Variants in ZNF705B observed in about 807,000 individuals in gnomAD.
The protein encoded by ZNF705B is Putative zinc finger protein 705D-like protein LOC100132396.
In ZNF705B, 1 loss-of-function variant was observed where a neutral mutation model predicts 10.5. The ratio of observed to expected loss-of-function variants is 0.10; its 90% CI spans 0.03 to 0.45. ZNF705B has a LOEUF of 0.45. Ranked by LOEUF, ZNF705B falls within the 20% of genes least tolerant of loss-of-function variation. ZNF705B has a pLI of 0.97. For synonymous variants in ZNF705B, 4 were observed against 25.4 expected, an observed-to-expected ratio of 0.16 and a Z score of 2.53; for missense variants, 14 against 84.0, an observed-to-expected ratio of 0.17 and a Z score of 3.26.
intron 1 of ZNF705B, among the ~76,000 whole-genome samples, chr8:7,927,864 C>A (rs1443561310): frequency 7.0e-6 from 1 of 142,662 alleles, no homozygotes; most frequent in Non-Finnish European, 1.6e-5. Context: ...AACAATCTAC[C>A]TTTTGGCTTC....
At chr8:7,932,268 C>G (rs1486490205) in intron 2 of ZNF705B, among the ~76,000 whole-genome samples, 1 of 121,104 alleles carries the variant, frequency 8.3e-6, no homozygotes, top group African/African-American at 2.5e-5. Flanking sequence ...TAAGCTGATT[C>G]TGGCTGGGCT....
chr8:7,941,018 C>G (rs1352321299), intron 2 of ZNF705B, among the ~76,000 whole-genome samples: 2 of 149,314 alleles, frequency 1.3e-5, no homozygotes, highest in African/African-American at 4.9e-5. Flanking sequence ...AGAACATGAT[C>G]TCATTCCTTT....
At chr8:7,928,223 C>A (rs1368610529) in intron 1 of ZNF705B, among the ~76,000 whole-genome samples, 3 of 113,542 alleles carry the variant, frequency 2.6e-5, no homozygotes, top group Non-Finnish European at 6.3e-5. Context: ...AGCTCCACGA[C>A]TTAATCACCT....
At chr8:7,930,101 G>A (rs1191000466) in intron 1 of ZNF705B, among the ~76,000 whole-genome samples, 186 bp from the exon 2 acceptor site, 2 of 110,300 alleles carry the variant, frequency 1.8e-5, no homozygotes, top group African/African-American at 5.3e-5. Flanking sequence ...ACTGAACATA[G>A]TACCAGATAG....
intron 1 of ZNF705B, among the ~76,000 whole-genome samples, chr8:7,928,862 C>A (rs550950376): frequency 1.4e-4 from 15 of 104,024 alleles, no homozygotes; most frequent in South Asian, 3.7e-4. Flanking sequence ...TTCCAAAAAA[C>A]CAAGTGCTCT....
intron 2 of ZNF705B, among the ~76,000 whole-genome samples, chr8:7,933,929 CTTTTTTT>C (rs1162997944): frequency 4.8e-4 from 14 of 29,344 alleles, no homozygotes; most frequent in Admixed American, 1.5e-3. Flanking sequence ...GTAATATAAA[CTTTTTTT>C]TTTTTTTTTT....
chr8:7,929,679 A>G (rs1819787763), intron 1 of ZNF705B, among the ~76,000 whole-genome samples: 1 of 117,268 alleles, frequency 8.5e-6, no homozygotes, highest in African/African-American at 2.6e-5. Flanking sequence ...TCTCTAGCTG[A>G]ATTGTTGTCG....
intron 2 of ZNF705B, among the ~76,000 whole-genome samples, chr8:7,932,593 G>T (rs565823689): frequency 4.1e-5 from 5 of 121,752 alleles, no homozygotes; most frequent in African/African-American, 1.3e-4. Flanking sequence ...TGGTGATGCA[G>T]TTTCAAAAAT....
At chr8:7,936,952 T>C (rs1420167045) in intron 2 of ZNF705B, among the ~76,000 whole-genome samples, 3 of 120,368 alleles carry the variant, frequency 2.5e-5, no homozygotes, top group African/African-American at 5.1e-5. Context: ...AGAATTCAAG[T>C]AACATTAGGG....
chr8:7,941,433 A>T lies in ZNF705B; in HGVS notation c.-71-5918A>T, dbSNP rs1204552896. 1.3e-4 allele frequency among the ~76,000 whole-genome samples: 12 copies of T among 90,608 alleles called. 3 individuals are homozygous for T. The highest frequency in any genetic ancestry group is 2.8e-4 in the Non-Finnish European group (11 of 38,606). 59.4% of individuals were successfully genotyped at this position (90,608 alleles called of 152,430 possible). A position where few individuals can be genotyped will look rare whatever the true frequency, so the allele number is the denominator to read the frequency against. ...TAATTTGTATTTCCACCGCAAGTAT[A>T]CAAGGGTTATCTTTTCTCCACATCC... is the stretch of plus-strand genomic sequence containing the variant. On this transcript the variant is annotated intron_variant, in intron 2 of 6. Coordinates refer to ENST00000400120, the MANE Select transcript of ZNF705B (RefSeq NM_001193630.1).
At chr8:7,935,928 T>C (rs1402600912) in intron 2 of ZNF705B, among the ~76,000 whole-genome samples, 2 of 91,408 alleles carry the variant, frequency 2.2e-5, no homozygotes, top group African/African-American at 5.5e-5. Context: ...GGAAGAGTCA[T>C]AAGAGATTAG....
At position 7,940,955 on chromosome 8, in the gene ZNF705B, G is replaced by A. The variant is rs1479047107; in HGVS notation, c.-71-6396G>A. On this transcript the variant is annotated intron_variant, in intron 2 of 6. Coordinates refer to ENST00000400120, the MANE Select transcript of ZNF705B (RefSeq NM_001193630.1). ...ACGTGCAGTGCTTGGTTTTCTGTTCGTGGGTTAGTTTGCTGAGAATAATGG... is the reference window on the plus strand; with the variant it reads ...ACGTGCAGTGCTTGGTTTTCTGTTCATGGGTTAGTTTGCTGAGAATAATGG... 7.5e-3 allele frequency among the ~76,000 whole-genome samples: 1,107 copies of A among 147,802 alleles called. 6 individuals carry two copies. Among genetic ancestry groups the A allele is most frequent in the African/African-American group, 0.025 (1,019 of 40,120 alleles).
At chr8:7,930,188 T>G (rs1819804488) in intron 1 of ZNF705B, 99 bp from the exon 2 acceptor site, 1 of 118,944 alleles carries the variant, frequency 8.4e-6, no homozygotes, top group Non-Finnish European at 2.0e-5. Context: ...TATGTCCATG[T>G]CTGCTCAATG....
intron 2 of ZNF705B, among the ~76,000 whole-genome samples, chr8:7,930,940 C>T (rs1473884361): frequency 7.9e-6 from 1 of 127,200 alleles, no homozygotes; most frequent in African/African-American, 2.5e-5. Context: ...CACTGCAGCT[C>T]TGCCTCCTGG....
At chr8:7,941,042 G>A (rs1820143380) in intron 2 of ZNF705B, among the ~76,000 whole-genome samples, 1 of 149,454 alleles carries the variant, frequency 6.7e-6, no homozygotes, top group Non-Finnish European at 1.5e-5. Flanking sequence ...TGGCTGCATA[G>A]TATTCCATGG....
In ZNF705B at chr8:7,940,467, C is replaced by A. The variant is rs568760077; in HGVS notation, c.-71-6884C>A. ...AATATTGGTAAGAATACAAAATCTA[C>A]CCTTTTAGCAAATTTTAAGTATTTA... On this transcript the variant is annotated intron_variant, in intron 2 of 6. Coordinates refer to ENST00000400120, the MANE Select transcript of ZNF705B (RefSeq NM_001193630.1). 1.3e-3 allele frequency among the ~76,000 whole-genome samples: 151 copies of A among 119,534 alleles called. 2 individuals are homozygous for A. Among genetic ancestry groups the A allele is most frequent in the African/African-American group, 4.0e-3 (146 of 36,224 alleles). 78.4% of individuals were successfully genotyped at this position (119,534 alleles called of 152,430 possible).
Position 7,949,185 on chromosome 8 carries a change from G to T in ZNF705B, c.69G>T (p.Met23Ile). Residue 23 changes from methionine (M) to isoleucine (I), a missense_variant, in exon 4 of 7, where the codon ATG becomes ATT. Physicochemically the swap from Met to Ile is conservative, Grantham distance 10 (BLOSUM62 1). Coordinates refer to ENST00000400120, the MANE Select transcript of ZNF705B (RefSeq NM_001193630.1). Reference sequence around the variant, plus strand: ...ACTTCACCCAGGAAGAGTGGGACATGATGGACACATCCAAAAGAAAGCTGT... The same window carrying T: ...ACTTCACCCAGGAAGAGTGGGACATTATGGACACATCCAAAAGAAAGCTGT... The part of the protein sequence containing the change: ...AIDFTQEEWD[M>I]MDTSKRKLYR... The T allele has an allele frequency of 6.0e-6, 5 of 836,184 alleles. 2 individuals are homozygous for T. Among genetic ancestry groups the T allele is most frequent in the Non-Finnish European group, 8.1e-6 (5 of 618,750 alleles). The allele number at this position is 836,184 out of a possible 1,614,324, so 51.8% of individuals were successfully genotyped here.
At chr8:7,935,875 C>T in intron 2 of ZNF705B, among the ~76,000 whole-genome samples, 1 of 91,832 alleles carries the variant, frequency 1.1e-5, no homozygotes, top group Non-Finnish European at 2.9e-5. Context: ...TATAGTAGTA[C>T]CCAAGCCCAC....
chr8:7,940,596 C>A (rs938055939), intron 2 of ZNF705B, among the ~76,000 whole-genome samples: 1 of 132,982 alleles, frequency 7.5e-6, no homozygotes, highest in African/African-American at 2.7e-5. Flanking sequence ...CTACCCATTT[C>A]CCCAGCACCA....
Sources: allele counts gnomAD v4.1 joint callset (sites outside exome capture counted in the v4.1 genomes callset), GRCh38; gene constraint gnomAD v4.1.1; transcripts MANE v1.5; gene names NCBI Gene and HGNC (gene_info 2026-07-23, HGNC 2026-07-21).